The following PPM1L variants were observed in gnomAD, a reference collection of about 807,000 sequenced individuals.
PPM1L encodes protein phosphatase, Mg2+/Mn2+ dependent 1L.
A neutral mutation model predicts 31.4 loss-of-function variants in PPM1L; 13 were observed. That is an observed-to-expected ratio of 0.41 (90% CI 0.27 to 0.66). The LOEUF (loss-of-function observed/expected upper bound fraction) is 0.66, where lower values mean the gene tolerates loss of function less well. PPM1L is among the 30% of genes least tolerant of loss of function. The pLI, the probability that PPM1L is intolerant of heterozygous loss-of-function variation, is 0.29. For synonymous variants in PPM1L, 184 were observed against 175.4 expected, an observed-to-expected ratio of 1.05 and a Z score of -0.39; for missense variants, 326 against 453.7, an observed-to-expected ratio of 0.72 and a Z score of 2.56.
At chr3:161,033,030 TG>T (rs1413591348) in intron 2 of PPM1L, among the ~76,000 whole-genome samples, 1 of 150,834 alleles carries the variant, frequency 6.6e-6, no homozygotes, top group Non-Finnish European at 1.5e-5. Flanking sequence ...TGTTAAGGGA[TG>T]GGTCACATCC....
At chr3:161,011,229 A>G (rs956559669) in intron 2 of PPM1L, among the ~76,000 whole-genome samples, 1 of 152,180 alleles carries the variant, frequency 6.6e-6, no homozygotes, top group African/African-American at 2.4e-5. Flanking sequence ...TCAGCTTTCT[A>G]CATATGGCAA....
At position 161,071,351 on chromosome 3, in the gene PPM1L, A is replaced by G. The variant is rs756147726; in HGVS notation, c.*2194A>G. 2.0e-5 allele frequency: 3 copies of G among 152,216 alleles called. No homozygotes were observed. The highest frequency in any genetic ancestry group is 2.9e-5 in the Non-Finnish European group (2 of 68,038). The allele number at this position is 152,216 out of a possible 1,614,324, so 9.4% of individuals were successfully genotyped here. Reference sequence around the variant, plus strand: ...ACATTTTTAAATTCCGGTTATTTTTATTGTCTAAAATGAAAGCAACAGTGT... The same window carrying G: ...ACATTTTTAAATTCCGGTTATTTTTGTTGTCTAAAATGAAAGCAACAGTGT... On this transcript the variant is annotated 3_prime_UTR_variant, in exon 4 of 4. Transcript: ENST00000498165.
intron 2 of PPM1L, among the ~76,000 whole-genome samples, chr3:161,040,197 C>G (rs1455789196): frequency 6.6e-6 from 1 of 152,194 alleles, no homozygotes; most frequent in Non-Finnish European, 1.5e-5. Flanking sequence ...TTAGACACCC[C>G]TTTGCTTTCT....
intron 2 of PPM1L, among the ~76,000 whole-genome samples, chr3:161,044,855 G>A (rs187605950): frequency 1.6e-3 from 246 of 152,286 alleles, no homozygotes; most frequent in African/African-American, 5.7e-3. Context: ...AGACCCATCA[G>A]TGTGCTATAT....
rs529069834 is a variant in PPM1L, at chr3:161,012,944, A to T, written c.574+51034A>T. 1.2e-3 allele frequency among the ~76,000 whole-genome samples: 176 copies of T among 151,576 alleles called. 1 individual carries two copies. Among genetic ancestry groups the T allele is most frequent in the African/African-American group, 3.9e-3 (163 of 41,326 alleles). On this transcript the variant is annotated intron_variant, in intron 2 of 3. Transcript: ENST00000498165. ...TTAGTCTTGCTAGCGGTCTATCAAT[A>T]TTGTTGATCCTTTCAAAAAACCAGC... is the stretch of plus-strand genomic sequence containing the variant.
chr3:161,058,118 CTTTTTTT>C (rs1186931971), intron 2 of PPM1L, among the ~76,000 whole-genome samples: 5 of 54,926 alleles, frequency 9.1e-5, no homozygotes, highest in Admixed American at 3.1e-4. Flanking sequence ...ATTTTCTTTC[CTTTTTTT>C]TTTTTTTTTT....
chr3:160,871,488 A>C (rs548564492), intron 1 of PPM1L, among the ~76,000 whole-genome samples: 18 of 152,342 alleles, frequency 1.2e-4, no homozygotes, highest in Middle Eastern at 3.4e-3. Context: ...AGAGATTAAG[A>C]TTAGAGAAGG....
chr3:161,014,140 T>G (rs1400608645), intron 2 of PPM1L, among the ~76,000 whole-genome samples: 1 of 152,208 alleles, frequency 6.6e-6, no homozygotes, highest in African/African-American at 2.4e-5. Flanking sequence ...CAATTTTGCA[T>G]GTTTTTGCAG....
At chr3:160,766,904 A>G (rs1715115435) in intron 1 of PPM1L, among the ~76,000 whole-genome samples, 1 of 147,566 alleles carries the variant, frequency 6.8e-6, no homozygotes, top group African/African-American at 2.7e-5. Flanking sequence ...CTAGAAGACA[A>G]GAGAGTTCCT....
chr3:160,795,658 G>A (rs1421672474), intron 1 of PPM1L, among the ~76,000 whole-genome samples: 4 of 152,162 alleles, frequency 2.6e-5, no homozygotes, highest in Admixed American at 6.5e-5. Flanking sequence ...AACATTAATA[G>A]TAACTTTATA....
At chr3:160,810,103 A>G (rs1712764993) in intron 1 of PPM1L, among the ~76,000 whole-genome samples, 1 of 151,704 alleles carries the variant, frequency 6.6e-6, no homozygotes, top group Non-Finnish European at 1.5e-5. Flanking sequence ...ATCATGACTG[A>G]TATTACTATG....
In PPM1L at chr3:160,769,312, C is replaced by T. The variant is rs961374579; in HGVS notation, c.399+12605C>T. ...GTTGCTTGTTCTGCACGTTAGTAAC[C>T]TCATTGGAGAATGTTGCTGTAAAGT... On this transcript the variant is annotated intron_variant, in intron 1 of 3. Coordinates refer to ENST00000498165, the MANE Select transcript of PPM1L (RefSeq NM_139245.4). 2.0e-5 allele frequency among the ~76,000 whole-genome samples: 3 copies of T among 152,196 alleles called. No homozygotes were observed. In the East Asian group the frequency reaches 5.8e-4, roughly 29 times the overall value.
chr3:160,869,216 T>C (rs975054524), intron 1 of PPM1L, among the ~76,000 whole-genome samples: 2 of 152,242 alleles, frequency 1.3e-5, no homozygotes, highest in Non-Finnish European at 2.9e-5. Flanking sequence ...GAGAAGATTC[T>C]TTCCTTTTCC....
intron 1 of PPM1L, among the ~76,000 whole-genome samples, chr3:160,863,122 C>T (rs1227071562): frequency 3.3e-5 from 5 of 152,032 alleles, no homozygotes; most frequent in Non-Finnish European, 5.9e-5. Flanking sequence ...TTGTCCAAAA[C>T]GTGTCATGTA....
intron 2 of PPM1L, among the ~76,000 whole-genome samples, chr3:161,028,103 T>C (rs1718461867): frequency 6.6e-6 from 1 of 152,080 alleles, no homozygotes; most frequent in South Asian, 2.1e-4. Context: ...CAGAAAGTGA[T>C]TGAGGAGAAG....
In PPM1L at chr3:160,914,553, C is replaced by T. The variant is rs546475122; in HGVS notation, c.400-47183C>T. 1.2e-3 allele frequency among the ~76,000 whole-genome samples: 178 copies of T among 150,430 alleles called. 1 individual carries two copies. The highest frequency in any genetic ancestry group is 3.9e-3 in the African/African-American group (161 of 40,988). On this transcript the variant is annotated intron_variant, in intron 1 of 3. Transcript: ENST00000498165. The stretch of plus-strand genomic sequence containing the variant: ...GAACATACAGTGTTTGGTTTTCTGT[C>T]CTTGCGATAGTTTGCTGAGAATGAT...
At chr3:160,843,325 G>A (rs1242511868) in intron 1 of PPM1L, among the ~76,000 whole-genome samples, 1 of 149,788 alleles carries the variant, frequency 6.7e-6, no homozygotes, top group Non-Finnish European at 1.5e-5. Context: ...CGGTCCATGT[G>A]CCATATGCAG....
chr3:160,837,226 A>G (rs1278806833), intron 1 of PPM1L, among the ~76,000 whole-genome samples: 1 of 152,112 alleles, frequency 6.6e-6, no homozygotes, highest in East Asian at 1.9e-4. Context: ...ACCATCTGAA[A>G]CCTTCTCATG....
At chr3:160,884,920 A>G (rs541935262) in intron 1 of PPM1L, among the ~76,000 whole-genome samples, 1 of 152,324 alleles carries the variant, frequency 6.6e-6, no homozygotes, top group East Asian at 1.9e-4. Flanking sequence ...TGGACCTCAG[A>G]ACCTTCTGTT....
Sources: gnomAD v4.1 joint callset for allele counts (sites outside exome capture counted in the v4.1 genomes callset) on GRCh38, gnomAD v4.1.1 for gene constraint, MANE v1.5 for transcripts, NCBI Gene and HGNC (gene_info 2026-07-23, HGNC 2026-07-21) for gene names.